KLF7: variants seen among roughly 807,000 people sequenced by gnomAD.
KLF7 encodes Krueppel-like factor 7.
Under a neutral mutation model 27.3 loss-of-function variants are expected in KLF7, and 2 were observed. The observed-to-expected ratio is 0.07, with a 90% confidence interval of 0.03 to 0.23. KLF7 has a LOEUF of 0.23. Among genes scored for constraint, KLF7 ranks in the 10% least tolerant of loss-of-function variants. KLF7 has a pLI of 1.00. For synonymous variants in KLF7, 165 were observed against 162.4 expected (o/e 1.02, Z -0.12); for missense variants, 221 against 394.1 (o/e 0.56, Z 3.72).
chr2:207,151,723 T>TACACACAC (rs72289250), intron 1 of KLF7, among the ~76,000 whole-genome samples: 1 of 149,852 alleles, frequency 6.7e-6, no homozygotes, highest in Admixed American at 6.7e-5. Context: ...TGAAAAATTT[T>TACACACAC]ACACACACAC....
chr2:207,082,915 C>T (rs2076308103), intron 3 of KLF7, among the ~76,000 whole-genome samples: 1 of 152,144 alleles, frequency 6.6e-6, no homozygotes, highest in Non-Finnish European at 1.5e-5. Flanking sequence ...TAAATAGGCA[C>T]ATGTGTAGGA....
At chr2:207,134,100 T>C (rs1447226180) in intron 1 of KLF7, 1 of 1,532,226 alleles carries the variant, frequency 6.5e-7, no homozygotes, top group East Asian at 2.5e-5. Context: ...ACCAGTTACA[T>C]CATCTCCCCT....
intron 1 of KLF7, among the ~76,000 whole-genome samples, chr2:207,143,097 C>T (rs1559157274): frequency 6.6e-6 from 1 of 152,156 alleles, no homozygotes; most frequent in Admixed American, 6.5e-5. Context: ...TAGAAAACAA[C>T]ACAACAACAA....
At chr2:207,113,555 C>A (rs2077092343) in intron 2 of KLF7, among the ~76,000 whole-genome samples, 1 of 131,048 alleles carries the variant, frequency 7.6e-6, no homozygotes, top group Non-Finnish European at 1.5e-5. Flanking sequence ...AGCAGCAACA[C>A]CAGGAGCAGA....
chr2:207,099,550 C>CCATATATATATATATATATA (rs1359258095), intron 2 of KLF7, among the ~76,000 whole-genome samples: 2 of 22,844 alleles, frequency 8.8e-5, no homozygotes, highest in Non-Finnish European at 1.8e-4. Context: ...GCTACATATG[C>CCATATATATATATATATATA]GATATATATA....
At chr2:207,094,063 T>C (rs1328416049) in intron 2 of KLF7, among the ~76,000 whole-genome samples, 1 of 152,218 alleles carries the variant, frequency 6.6e-6, no homozygotes, top group East Asian at 1.9e-4. Context: ...TTTATGAAAC[T>C]CATTTGTAAT....
intron 1 of KLF7, among the ~76,000 whole-genome samples, chr2:207,153,484 A>G (rs1166869039): frequency 6.6e-6 from 1 of 152,240 alleles, no homozygotes; most frequent in Non-Finnish European, 1.5e-5. Context: ...AGAGAGGTAA[A>G]GTGAGACACT....
chr2:207,134,914 T>C (rs1403724226), intron 1 of KLF7, among the ~76,000 whole-genome samples: 1 of 152,226 alleles, frequency 6.6e-6, no homozygotes, highest in African/African-American at 2.4e-5. Flanking sequence ...TGCCAAGTAC[T>C]TGGAAGGGCT....
chr2:207,103,908 G>A (rs192557811), intron 2 of KLF7, among the ~76,000 whole-genome samples: 3 of 152,334 alleles, frequency 2.0e-5, no homozygotes, highest in Admixed American at 1.3e-4. Context: ...TTTATGCAAC[G>A]TGGGTCTTAT....
At chr2:207,090,775 A>T (rs1399522569) in intron 2 of KLF7, among the ~76,000 whole-genome samples, 1 of 152,192 alleles carries the variant, frequency 6.6e-6, no homozygotes, top group Admixed American at 6.5e-5. Flanking sequence ...TAGGACACAC[A>T]AAGGGAAGTA....
At chr2:207,143,434 A>T (rs2078001663) in intron 1 of KLF7, among the ~76,000 whole-genome samples, 1 of 151,694 alleles carries the variant, frequency 6.6e-6, no homozygotes. Flanking sequence ...AAAAAAAAAA[A>T]GTTAAACTGT....
At chr2:207,093,160 G>A in intron 2 of KLF7, among the ~76,000 whole-genome samples, 1 of 152,166 alleles carries the variant, frequency 6.6e-6, no homozygotes, top group Non-Finnish European at 1.5e-5. Context: ...TGGATTTTAT[G>A]CATTTAAAAA....
At chr2:207,149,368 C>T (rs983359666) in intron 1 of KLF7, among the ~76,000 whole-genome samples, 14 of 152,216 alleles carry the variant, frequency 9.2e-5, no homozygotes, top group African/African-American at 2.9e-4. Context: ...AGAAAGGGGC[C>T]TCCTGGGCCC....
At chr2:207,164,786 C>G (rs72966249) in intron 1 of KLF7, among the ~76,000 whole-genome samples, 19,536 of 152,184 alleles carry the variant, frequency 0.13, 1,589 homozygotes, top group Middle Eastern at 0.2. Flanking sequence ...GAAACAAGGA[C>G]ACGCATAGAG....
chr2:207,095,940 T>C (rs2076618743), intron 2 of KLF7, among the ~76,000 whole-genome samples: 1 of 152,212 alleles, frequency 6.6e-6, no homozygotes, highest in South Asian at 2.1e-4. Flanking sequence ...ATGAGATTAC[T>C]AGAAAATTTA....
rs1345339190 is a variant in KLF7, at chr2:207,078,820, G to A, written c.*2393C>T. 6.6e-6 allele frequency: 1 copy of A among 152,100 alleles called. No individual in the cohort carries two copies. Among genetic ancestry groups the A allele is most frequent in the African/African-American group, 2.4e-5 (1 of 41,414 alleles). 9.4% of individuals were successfully genotyped at this position (152,100 alleles called of 1,614,324 possible). On this transcript the variant is annotated 3_prime_UTR_variant, in exon 4 of 4. Coordinates refer to ENST00000309446, the MANE Select transcript of KLF7 (RefSeq NM_003709.4). ...ACATTCAAATATAATCCCATGGTAC[G>A]CCCTGATGGACTGGCCACAAAATGC...
chr2:207,118,582 C>T (rs1261314198), intron 2 of KLF7, among the ~76,000 whole-genome samples: 1 of 152,236 alleles, frequency 6.6e-6, no homozygotes, highest in Non-Finnish European at 1.5e-5. Context: ...TGGAGCAATA[C>T]TGTTTGGTGC....
At chr2:207,143,671 T>C (rs1159417260) in intron 1 of KLF7, among the ~76,000 whole-genome samples, 1 of 152,128 alleles carries the variant, frequency 6.6e-6, no homozygotes, top group Non-Finnish European at 1.5e-5. Context: ...GTCAGGCAAA[T>C]GGATTTGGCT....
intron 1 of KLF7, among the ~76,000 whole-genome samples, chr2:207,161,549 G>A (rs575948105): frequency 1.3e-5 from 2 of 152,304 alleles, no homozygotes; most frequent in South Asian, 4.1e-4. Flanking sequence ...GCACCTGGCA[G>A]CCCAGGCCTG....
Sources: gnomAD v4.1 joint callset for allele counts (sites outside exome capture counted in the v4.1 genomes callset) on GRCh38, gnomAD v4.1.1 for gene constraint, MANE v1.5 for transcripts, NCBI Gene and HGNC (gene_info 2026-07-23, HGNC 2026-07-21) for gene names.